Variants in SLC44A5 observed in about 807,000 individuals in gnomAD.
SLC44A5 encodes the protein solute carrier family 44 member 5, also known as choline transporter-like protein 5.
A neutral mutation model predicts 101.8 loss-of-function variants in SLC44A5; 57 were observed. The observed-to-expected ratio is 0.56, with a 90% CI of 0.45 to 0.70. The LOEUF (loss-of-function observed/expected upper bound fraction) is 0.70. SLC44A5 is among the 30% of genes least tolerant of loss of function. The probability of loss-of-function intolerance (pLI) is 0.00; values close to 1 mark genes in which losing one functional copy is unlikely to be tolerated. For synonymous variants in SLC44A5, 281 were observed against 290.9 expected (o/e 0.97, Z 0.35); for missense variants, 737 against 853.1 (o/e 0.86, Z 1.70).
intron 1 of SLC44A5, among the ~76,000 whole-genome samples, chr1:75,573,603 C>T (rs1422084295): frequency 6.6e-6 from 1 of 151,862 alleles, no homozygotes; most frequent in Non-Finnish European, 1.5e-5. Context: ...TATGTTTAAC[C>T]GTTGCTGGGT....
intron 4 of SLC44A5, among the ~76,000 whole-genome samples, chr1:75,307,807 G>A (rs1655023329): frequency 1.3e-5 from 2 of 152,192 alleles, no homozygotes; most frequent in Admixed American, 6.5e-5. Context: ...CTTTGTGTAT[G>A]TGAGAGCTGA....
intron 1 of SLC44A5, among the ~76,000 whole-genome samples, chr1:75,607,488 T>C (rs956641656): frequency 6.6e-6 from 1 of 152,062 alleles, no homozygotes; most frequent in Non-Finnish European, 1.5e-5. Context: ...TACAACATGA[T>C]GATTTGGTAT....
chr1:75,645,029 T>C, the SLC44A5 span, among the ~76,000 whole-genome samples: 3 of 152,164 alleles, frequency 2.0e-5, no homozygotes, highest in Non-Finnish European at 4.4e-5. Flanking sequence ...TGTATCATTG[T>C]TGGACATTTG....
At chr1:75,713,938 G>C in the SLC44A5 span, among the ~76,000 whole-genome samples, 1 of 152,134 alleles carries the variant, frequency 6.6e-6, no homozygotes, top group Non-Finnish European at 1.5e-5. Flanking sequence ...AAGTAGCTGC[G>C]TGTACAGGTG....
At chr1:75,697,032 T>C in the SLC44A5 span, among the ~76,000 whole-genome samples, 16 of 152,218 alleles carry the variant, frequency 1.1e-4, no homozygotes, top group Admixed American at 1.0e-3. Flanking sequence ...TTGACTGTGA[T>C]GGTGTATGCA....
chr1:75,678,725 G>C, the SLC44A5 span, among the ~76,000 whole-genome samples: 1 of 151,804 alleles, frequency 6.6e-6, no homozygotes, highest in African/African-American at 2.4e-5. Context: ...CCAAAGGAAC[G>C]CAGCTCCTCA....
chr1:75,500,465 TG>T (rs80257382), intron 2 of SLC44A5, among the ~76,000 whole-genome samples: 27,089 of 152,082 alleles, frequency 0.18, 2,563 homozygotes, highest in Middle Eastern at 0.24. Flanking sequence ...AGTACACCCT[TG>T]GAAGCCATAT....
the SLC44A5 span, among the ~76,000 whole-genome samples, chr1:75,646,148 G>T: frequency 1.5e-5 from 2 of 135,344 alleles, no homozygotes; most frequent in African/African-American, 5.0e-5. Context: ...CTTTAAAGTA[G>T]TTTTTTCCAA....
intron 3 of SLC44A5, among the ~76,000 whole-genome samples, chr1:75,346,048 C>A (rs1658229582): frequency 6.6e-6 from 1 of 152,132 alleles, no homozygotes; most frequent in Non-Finnish European, 1.5e-5. Context: ...CTAATGATGA[C>A]AACGCCTCAT....
rs546039759 is a variant in SLC44A5 at position 75,214,380 on chromosome 1, G to GA, written c.1802+224dup. Among the ~76,000 whole-genome samples the GA allele has an allele frequency of 7.9e-5, 12 of 152,012 alleles. No homozygotes were observed. The South Asian group carries it at 2.3e-3, about 29-fold the overall frequency. ...CTTGAGCAGAGGGGATAATAAAAAT[G>GA]AAAAAATGCCAATGGACCTAAAGAC... On this transcript the variant is annotated intron_variant, in intron 20 of 23. Coordinates refer to ENST00000370859, the MANE Select transcript of SLC44A5 (RefSeq NM_001130058.2).
chr1:75,698,899 A>G, the SLC44A5 span, among the ~76,000 whole-genome samples: 4 of 152,230 alleles, frequency 2.6e-5, no homozygotes, highest in Non-Finnish European at 5.9e-5. Flanking sequence ...AAGACAGGGT[A>G]TCAGCGATGG....
the SLC44A5 span, among the ~76,000 whole-genome samples, chr1:75,618,817 C>T: frequency 6.6e-6 from 1 of 152,096 alleles, no homozygotes; most frequent in East Asian, 1.9e-4. Context: ...AGCCTGTAAT[C>T]CTAGCACTTT....
the SLC44A5 span, among the ~76,000 whole-genome samples, chr1:75,670,262 C>A: frequency 1.2e-4 from 18 of 152,064 alleles, no homozygotes; most frequent in East Asian, 3.3e-3. Flanking sequence ...TAAAAGAAAA[C>A]CTTCCCAATT....
intron 5 of SLC44A5, among the ~76,000 whole-genome samples, chr1:75,291,685 G>A (rs1386447403): frequency 6.6e-6 from 1 of 152,048 alleles, no homozygotes; most frequent in Non-Finnish European, 1.5e-5. Flanking sequence ...TGGGTACTGA[G>A]GACAGAAAGG....
At chr1:75,519,863 G>C (rs1004179528) in intron 2 of SLC44A5, among the ~76,000 whole-genome samples, 1 of 152,246 alleles carries the variant, frequency 6.6e-6, no homozygotes. Flanking sequence ...TCTTTGGATT[G>C]CTGAAAGCAA....
chr1:75,515,410 A>G (rs988496298), intron 2 of SLC44A5, among the ~76,000 whole-genome samples: 4 of 151,536 alleles, frequency 2.6e-5, no homozygotes, highest in African/African-American at 7.3e-5. Context: ...GAAATTTTGT[A>G]CCTTTAACCA....
At chr1:75,377,818 CCCA>C (rs1660724061) in intron 3 of SLC44A5, among the ~76,000 whole-genome samples, 1 of 32,212 alleles carries the variant, frequency 3.1e-5, no homozygotes, top group Non-Finnish European at 4.9e-5. Flanking sequence ...TGACCCTCTC[CCCA>C]CAATTGTCTT....
At chr1:75,305,815 A>G (rs956622695) in intron 4 of SLC44A5, among the ~76,000 whole-genome samples, 2 of 152,332 alleles carry the variant, frequency 1.3e-5, no homozygotes, top group African/African-American at 4.8e-5. Context: ...CTATCCTTCA[A>G]GTCAGCTGAA....
At chr1:75,495,540 A>C (rs1265702013) in intron 2 of SLC44A5, among the ~76,000 whole-genome samples, 9 of 152,184 alleles carry the variant, frequency 5.9e-5, no homozygotes, top group African/African-American at 1.4e-4. Context: ...GAATTCCAGC[A>C]AAGAAACAGA....
Sources: gnomAD v4.1 joint callset for allele counts (sites outside exome capture counted in the v4.1 genomes callset) on GRCh38, gnomAD v4.1.1 for gene constraint, MANE v1.5 for transcripts, NCBI Gene and HGNC (gene_info 2026-07-23, HGNC 2026-07-21) for gene names.